The following CFAP410 variants were observed in gnomAD, a reference collection of about 807,000 sequenced individuals.
CFAP410 encodes the protein cilia and flagella associated protein 410, also known as cilia- and flagella-associated protein 410.
Under a neutral mutation model 25.7 loss-of-function variants are expected in CFAP410, and 27 were observed. That is an observed-to-expected ratio of 1.05 (90% confidence interval 0.77 to 1.45). The LOEUF is 1.45. Ranked by LOEUF, CFAP410 falls within the 40% of genes most tolerant of loss-of-function variation. The pLI is 0.00. For missense variants in CFAP410, 428 were observed against 354.1 expected (o/e 1.21, Z -1.67); for synonymous variants, 178 against 158.4 (o/e 1.12, Z -0.93).
intron 5 of CFAP410, chr21:44,331,622 G>A: frequency 1.8e-6 from 1 of 548,060 alleles, no homozygotes; most frequent in Non-Finnish European, 3.2e-6. Flanking sequence ...CTGCTCCCTG[G>A]CACATCCGCT....
At chr21:44,331,017 G>A (rs967244006) in intron 5 of CFAP410, 98 bp from the exon 6 acceptor site, 3 of 1,128,714 alleles carry the variant, frequency 2.7e-6, no homozygotes, top group Admixed American at 2.7e-5. Flanking sequence ...GCAAAGGAGG[G>A]GCTCATACAA....
At position 44,330,869 on chromosome 21, in the gene CFAP410, A is replaced by G; in HGVS notation, c.596T>C (p.Phe199Ser). The G allele has an allele frequency of 6.2e-7, 1 of 1,605,240 alleles. No individual in the cohort carries two copies. Among genetic ancestry groups the G allele is most frequent in the Admixed American group, 1.7e-5 (1 of 59,584 alleles). The change falls in exon 6 of 7, where the codon TTT becomes TCT. Residue 199 changes from phenylalanine to serine, a missense_variant. Phe to Ser is a radical substitution (Grantham distance 155, BLOSUM62 -2). Coordinates refer to ENST00000339818, the MANE Select transcript of CFAP410 (RefSeq NM_004928.3). ...GGCATCCCTGGCTGAGAGGGAAGGA[A>G]ACTGGCCCCGGGAAGGCGGCTTCAG... ...RGLKPPSRGQ[F>S]PSLSARDASS...
rs374967367 is a variant in CFAP410, at chr21:44,329,827, G to C, written c.*371C>G. ...CGTGAAGACCTCCTCATTCTGTGGA[G>C]AAACGGCCCTTGCTTTCAGGAAGAC... is the stretch of plus-strand genomic sequence containing the variant. On this transcript the variant is annotated 3_prime_UTR_variant, in exon 7 of 7. Coordinates refer to ENST00000339818, the MANE Select transcript of CFAP410 (RefSeq NM_004928.3). 4.0e-5 allele frequency: 9 copies of C among 224,426 alleles called. No homozygotes were observed. The highest frequency in any genetic ancestry group is 1.9e-4 in the African/African-American group (8 of 43,240). 13.9% of individuals were successfully genotyped at this position (224,426 alleles called of 1,614,324 possible).
chr21:44,330,097 G>A lies in CFAP410; in HGVS notation c.*101C>T. 1 of 1,348,702 alleles carries A rather than the reference G, an allele frequency of 7.4e-7. No individual in the cohort carries two copies. Among genetic ancestry groups the A allele is most frequent in the South Asian group, 1.4e-5 (1 of 73,692 alleles). 83.5% of individuals were successfully genotyped at this position (1,348,702 alleles called of 1,614,324 possible). A position where few individuals can be genotyped will look rare whatever the true frequency, so the allele number is the denominator to read the frequency against. On this transcript the variant is annotated 3_prime_UTR_variant, in exon 7 of 7. Coordinates refer to ENST00000339818, the MANE Select transcript of CFAP410 (RefSeq NM_004928.3). ...TGGCAAACCGGGGAGGCTTTTGTGT[G>A]GGGCCGGGGCTGCGGCCATGGCAGC... is the stretch of plus-strand genomic sequence containing the variant.
At position 44,337,644 on chromosome 21, in the gene CFAP410, CT is replaced by C. The variant is rs1268187387; in HGVS notation, c.96+4del. 3.1e-6 allele frequency: 5 copies of C among 1,612,608 alleles called. No individual in the cohort carries two copies. Among genetic ancestry groups the C allele is most frequent in the Non-Finnish European group, 3.4e-6 (4 of 1,178,934 alleles). On this transcript the variant is annotated splice_donor_region_variant and intron_variant, in intron 2 of 6. Transcript: ENST00000339818. The stretch of plus-strand genomic sequence containing the variant: ...CAATACTTACATCTGTGAGGCAATA[CT>C]TACATCTGTGAGGCGGCTGCCCCTG...
intron 3 of CFAP410, 77 bp downstream of exon 3, chr21:44,335,680 TG>T: frequency 9.0e-7 from 1 of 1,112,426 alleles, no homozygotes; most frequent in Non-Finnish European, 1.3e-6. Context: ...GTCACAGTGC[TG>T]GGTCCCACTG....
At position 44,337,638 on chromosome 21, in the gene CFAP410, G is replaced by C. The variant is rs753175912; in HGVS notation, c.96+11C>G. The stretch of plus-strand genomic sequence containing the variant: ...TCAGTGCAATACTTACATCTGTGAG[G>C]CAATACTTACATCTGTGAGGCGGCT... On this transcript the variant is annotated intron_variant, in intron 2 of 6. Coordinates refer to ENST00000339818, the MANE Select transcript of CFAP410 (RefSeq NM_004928.3). 1.7e-5 allele frequency: 28 copies of C among 1,611,006 alleles called. No homozygotes were observed. The South Asian group carries it at 3.0e-4, about 17-fold the overall frequency.
chr21:44,333,106 G>T lies in CFAP410; in HGVS notation c.300C>A (p.Cys100Ter). Residue 100 changes from cysteine to a stop codon, truncating the protein, a stop_gained, in exon 4 of 7, where the codon TGC becomes TGA. Coordinates refer to ENST00000339818, the MANE Select transcript of CFAP410 (RefSeq NM_004928.3). LOFTEE classifies it high-confidence loss of function. ...TGCGGTAGCGGTGGGGGCTGGTGCC[G>T]CAGCACGGGTTCTCGGCCAGCCACA... ...RVLWLAENPC[C>*]GTSPHRYRMT... The T allele has an allele frequency of 6.2e-7, 1 of 1,609,640 alleles. No individual in the cohort carries two copies. Among genetic ancestry groups the T allele is most frequent in the South Asian group, 1.1e-5 (1 of 90,710 alleles).
chr21:44,330,891 T>A lies in CFAP410; in HGVS notation c.574A>T (p.Lys192Ter). The change falls in exon 6 of 7, where the codon AAG (lysine) becomes TAG (stop). Residue 192 changes from lysine (K) to a stop codon, truncating the protein, a stop_gained. Transcript: ENST00000339818. LOFTEE classifies it high-confidence loss of function. ...TSGAQDERGLKPPSRGQFPSL... is the reference protein window; with the variant it reads ...TSGAQDERGL The stretch of plus-strand genomic sequence containing the variant: ...GGAAACTGGCCCCGGGAAGGCGGCT[T>A]CAGGCCACGTTCATCCTGGGCGCCG... 6.2e-7 allele frequency: 1 copy of A among 1,602,604 alleles called. No homozygotes were observed. Among genetic ancestry groups the A allele is most frequent in the Non-Finnish European group, 8.5e-7 (1 of 1,173,124 alleles).
intron 4 of CFAP410, 59 bp from the exon 5 acceptor site, chr21:44,332,073 C>T: frequency 5.7e-6 from 8 of 1,406,024 alleles, no homozygotes; most frequent in Non-Finnish European, 7.8e-6. Context: ...AGGCCACATG[C>T]ACTGCAGCTC....
intron 3 of CFAP410, chr21:44,335,080 A>G (rs1028916995): frequency 6.5e-6 from 1 of 153,358 alleles, no homozygotes; most frequent in African/African-American, 2.4e-5. Flanking sequence ...GGAAACCCAC[A>G]GAAGGCGCCC....
At position 44,339,352 on chromosome 21, in the gene CFAP410, C is replaced by T. The variant is rs1164607548; in HGVS notation, c.-158G>A. ...GTGAGGAGAGCGGGGCGACGCGAGCCCGCTGGGGCCGCTTGGGCGCCGCTG... is the reference window on the plus strand; with the variant it reads ...GTGAGGAGAGCGGGGCGACGCGAGCTCGCTGGGGCCGCTTGGGCGCCGCTG... On this transcript the variant is annotated 5_prime_UTR_variant, in exon 1 of 7. Coordinates refer to ENST00000339818, the MANE Select transcript of CFAP410 (RefSeq NM_004928.3). The T allele has an allele frequency of 4.6e-6, 2 of 430,688 alleles. No homozygotes were observed. Among genetic ancestry groups the T allele is most frequent in the Non-Finnish European group, 8.1e-6 (2 of 247,726 alleles). The allele number at this position is 430,688 out of a possible 1,614,324, so 26.7% of individuals were successfully genotyped here. A position where few individuals can be genotyped will look rare whatever the true frequency, so the allele number is the denominator to read the frequency against.
chr21:44,334,385 T>A, intron 3 of CFAP410: 1 of 413,402 alleles, frequency 2.4e-6, no homozygotes, highest in Non-Finnish European at 4.9e-6. Context: ...AACCACAAGC[T>A]CCACGTTTCC....
Position 44,339,162 on chromosome 21 carries a change from C to A in CFAP410, c.33G>T (p.Arg11=). The change falls in exon 1 of 7, where the codon CGG becomes CGT. Residue 11 remains arginine (R), a synonymous_variant. Transcript: ENST00000339818. Reference sequence around the variant, plus strand: ...CGCTGTGCAGCTCCGAGGCCTTGGCCCGGGTCAGAACCATCTTCCGCGTCA... The same window carrying A: ...CGCTGTGCAGCTCCGAGGCCTTGGCACGGGTCAGAACCATCTTCCGCGTCA... MKLTRKMVLT[R]AKASELHSVR... is the part of the protein sequence containing the mutation. The A allele has an allele frequency of 6.8e-7, 1 of 1,472,804 alleles. No homozygotes were observed. The highest frequency in any genetic ancestry group is 9.0e-7 in the Non-Finnish European group (1 of 1,108,834). 91.2% of individuals were successfully genotyped at this position (1,472,804 alleles called of 1,614,324 possible). A position where few individuals can be genotyped will look rare whatever the true frequency, so the allele number is the denominator to read the frequency against.
chr21:44,338,351 C>T, intron 1 of CFAP410: 12 of 1,282,310 alleles, frequency 9.4e-6, no homozygotes, highest in Non-Finnish European at 1.1e-5. Flanking sequence ...CCCCAGGGAA[C>T]CCTGGAGATC....
chr21:44,333,768 A>G (rs1314969079), intron 3 of CFAP410: 1 of 325,246 alleles, frequency 3.1e-6, no homozygotes, highest in African/African-American at 2.2e-5. Flanking sequence ...TGGACGCGTC[A>G]GAGAAGAGAA....
At chr21:44,336,107 G>A (rs13046339) in intron 2 of CFAP410, among the ~76,000 whole-genome samples, 57 of 144,460 alleles carry the variant, frequency 3.9e-4, no homozygotes, top group South Asian at 2.3e-4. Context: ...TGTGCCCAGG[G>A]TGAATGCCCA....
intron 5 of CFAP410, 125 bp downstream of exon 5, chr21:44,331,718 C>A (rs1413509883): frequency 2.3e-6 from 2 of 873,944 alleles, no homozygotes. Context: ...CAGACACTCC[C>A]CCCGGATAAT....
intron 1 of CFAP410, chr21:44,338,638 C>A (rs1178874028): frequency 5.7e-6 from 1 of 174,984 alleles, no homozygotes; most frequent in African/African-American, 2.4e-5. Context: ...CACAGGGCAC[C>A]CGGGGCAAAG....
Sources: gnomAD v4.1 joint callset for allele counts (sites outside exome capture counted in the v4.1 genomes callset) on GRCh38, gnomAD v4.1.1 for gene constraint, MANE v1.5 for transcripts, NCBI Gene and HGNC (gene_info 2026-07-23, HGNC 2026-07-21) for gene names.